INSC: variants seen among roughly 807,000 people sequenced by gnomAD.
INSC encodes the protein INSC spindle orientation adaptor protein, also known as protein inscuteable homolog.
In INSC, 67 loss-of-function variants were observed where a neutral mutation model predicts 58.6. That is an observed-to-expected ratio of 1.14 (90% CI 0.94 to 1.40). INSC has a LOEUF of 1.40. INSC is among the 40% of genes most tolerant of loss of function. INSC has a pLI of 0.00. For missense variants in INSC, 714 were observed against 692.0 expected, an observed-to-expected ratio of 1.03 and a Z score of -0.36; for synonymous variants, 262 against 276.1, an observed-to-expected ratio of 0.95 and a Z score of 0.51.
intron 8 of INSC, 53 bp downstream of exon 8, chr11:15,221,701 G>T: frequency 1.3e-6 from 2 of 1,523,380 alleles, no homozygotes; most frequent in Admixed American, 2.0e-5. Context: ...TGGCACAGTT[G>T]TCTTCAGAAA....
the INSC span, among the ~76,000 whole-genome samples, chr11:15,260,014 A>AAAAAG: frequency 6.6e-6 from 1 of 152,138 alleles, no homozygotes. Context: ...CAGTGGGAAA[A>AAAAAG]AAAAGTGAAG....
intron 6 of INSC, among the ~76,000 whole-genome samples, chr11:15,197,038 A>G (rs1296970525): frequency 6.6e-6 from 1 of 152,188 alleles, no homozygotes; most frequent in African/African-American, 2.4e-5. Context: ...GCATGGTGCT[A>G]TGCTTTCTAA....
intron 9 of INSC, among the ~76,000 whole-genome samples, chr11:15,227,642 G>C (rs898303413): frequency 1.3e-5 from 2 of 152,160 alleles, no homozygotes; most frequent in Non-Finnish European, 2.9e-5. Flanking sequence ...AACAGATAAA[G>C]TGGTGACCCC....
intron 1 of INSC, among the ~76,000 whole-genome samples, chr11:15,148,548 A>T (rs1030175563): frequency 1.3e-5 from 2 of 152,218 alleles, no homozygotes; most frequent in African/African-American, 4.8e-5. Flanking sequence ...ATTGAGCCAC[A>T]TGCCTATTTC....
intron 1 of INSC, among the ~76,000 whole-genome samples, chr11:15,116,462 CT>C (rs201906452): frequency 6.6e-6 from 1 of 152,152 alleles, no homozygotes; most frequent in Admixed American, 6.5e-5. Flanking sequence ...CAGTGGTTAT[CT>C]TTTTTTCTGG....
In INSC at chr11:15,224,225, T is replaced by C. The variant is rs113728863; in HGVS notation, c.992-1425T>C. Among the ~76,000 whole-genome samples the C allele has an allele frequency of 2.7e-3, 412 of 152,376 alleles. 3 individuals are homozygous for C. The highest frequency in any genetic ancestry group is 9.0e-3 in the African/African-American group (375 of 41,582). On this transcript the variant is annotated intron_variant, in intron 8 of 12. Transcript: ENST00000379556. ...GTAAACAAGAAATGGTAGCTGCTGA[T>C]ACTACTAGCTTCTCTAAGATTCAGC...
intron 7 of INSC, among the ~76,000 whole-genome samples, chr11:15,218,108 A>G (rs1851290970): frequency 6.6e-6 from 1 of 152,214 alleles, no homozygotes; most frequent in South Asian, 2.1e-4. Context: ...TGTCCATTAT[A>G]GCAAAAGCTG....
rs1426094091 is a variant in INSC at position 15,175,842 on chromosome 11, G to A, written c.158G>A (p.Ser53Asn). The A allele has an allele frequency of 1.2e-6, 2 of 1,613,260 alleles. No homozygotes were observed. The highest frequency in any genetic ancestry group is 1.7e-6 in the Non-Finnish European group (2 of 1,179,328). The change falls in exon 3 of 13, where the codon AGC (serine) becomes AAC (asparagine). Residue 53 changes from serine (S) to asparagine (N), a missense_variant. Coordinates refer to ENST00000379556, the MANE Select transcript of INSC (RefSeq NM_001042536.3). ...CMCVLQAKPI[S>N]LEEDAQGDLI... The stretch of plus-strand genomic sequence containing the variant: ...TGTGTCCTGCAGGCCAAGCCCATCA[G>A]CCTGGAAGAGGATGCACAGGGTGAC...
intron 5 of INSC, among the ~76,000 whole-genome samples, chr11:15,186,632 C>T (rs778110325): frequency 6.6e-6 from 1 of 152,156 alleles, no homozygotes; most frequent in Non-Finnish European, 1.5e-5. Context: ...AGTAGCTCAT[C>T]TAAACCTAGA....
At position 15,235,588 on chromosome 11, in the gene INSC, A is replaced by T. The variant is rs755109763; in HGVS notation, c.1171-14A>T. Reference sequence around the variant, plus strand: ...TGTGCTCATTTTCTGAGGTTTCTAAATTATCTTTTCCAGATTGTGACCATC... The same window carrying T: ...TGTGCTCATTTTCTGAGGTTTCTAATTTATCTTTTCCAGATTGTGACCATC... On this transcript the variant is annotated splice_polypyrimidine_tract_variant and intron_variant, in intron 9 of 12. Coordinates refer to ENST00000379556, the MANE Select transcript of INSC (RefSeq NM_001042536.3). 2.5e-6 allele frequency: 4 copies of T among 1,611,152 alleles called. No homozygotes were observed. The highest frequency in any genetic ancestry group is 3.4e-6 in the Non-Finnish European group (4 of 1,177,404).
chr11:15,247,786 T>C (rs2133993250), downstream of INSC, among the ~76,000 whole-genome samples: 1 of 148,030 alleles, frequency 6.8e-6, no homozygotes, highest in African/African-American at 2.5e-5. Flanking sequence ...TGTTCAGATA[T>C]TGGCAACTTT....
intron 1 of INSC, among the ~76,000 whole-genome samples, chr11:15,131,503 A>C (rs1299042725): frequency 1.3e-5 from 2 of 152,108 alleles, no homozygotes; most frequent in East Asian, 3.9e-4. Flanking sequence ...TGTGCCATTC[A>C]AATATCCTAT....
In INSC at chr11:15,203,163, C is replaced by T. The variant is rs1011554845; in HGVS notation, c.819+2214C>T. ...TAAGTGTTAGAGCCAGAATTTGGAC[C>T]CACATCTGCCATAGTACAGCACCCC... On this transcript the variant is annotated intron_variant, in intron 7 of 12. Coordinates refer to ENST00000379556, the MANE Select transcript of INSC (RefSeq NM_001042536.3). 3.9e-5 allele frequency among the ~76,000 whole-genome samples: 6 copies of T among 152,132 alleles called. No homozygotes were observed. The South Asian group carries it at 1.2e-3, about 32-fold the overall frequency.
At chr11:15,112,651 G>GA (rs199734160), upstream of INSC, 9 of 485,496 alleles carry the variant, frequency 1.9e-5, 1 homozygote, top group South Asian at 4.5e-5. Context: ...GGGAAGTGGG[G>GA]GGGGGGCATT....
At chr11:15,235,061 T>C (rs1852068721) in intron 9 of INSC, 1 of 176,448 alleles carries the variant, frequency 5.7e-6, no homozygotes, top group Non-Finnish European at 1.2e-5. Context: ...TCAGATTCCA[T>C]GTAATACCCA....
At chr11:15,253,943 T>C in the INSC span, among the ~76,000 whole-genome samples, 3 of 152,212 alleles carry the variant, frequency 2.0e-5, no homozygotes, top group African/African-American at 7.2e-5. Flanking sequence ...CAAAGAATCC[T>C]ATTCTGGAAC....
chr11:15,218,929 T>G (rs2133925086), intron 7 of INSC, among the ~76,000 whole-genome samples: 2 of 152,340 alleles, frequency 1.3e-5, no homozygotes, highest in South Asian at 4.1e-4. Context: ...TTTTACTTTA[T>G]TGTACTTATT....
At chr11:15,124,237 A>G (rs187009667) in intron 1 of INSC, among the ~76,000 whole-genome samples, 16 of 152,186 alleles carry the variant, frequency 1.1e-4, no homozygotes, top group Admixed American at 1.0e-3. Flanking sequence ...CCAGGTGAGG[A>G]GACTGTCAGG....
chr11:15,247,266 G>A (rs1297195444), downstream of INSC: 4 of 152,028 alleles, frequency 2.6e-5, no homozygotes, highest in Non-Finnish European at 2.9e-5. Flanking sequence ...CATCTAATTT[G>A]CATTATCCAA....
Sources: gnomAD v4.1 joint callset for allele counts (sites outside exome capture counted in the v4.1 genomes callset) on GRCh38, gnomAD v4.1.1 for gene constraint, MANE v1.5 for transcripts, NCBI Gene and HGNC (gene_info 2026-07-23, HGNC 2026-07-21) for gene names.